Variants in GRK3 observed in about 807,000 individuals in gnomAD.
The protein encoded by GRK3 is G protein-coupled receptor kinase 3.
Under a neutral mutation model 95.7 loss-of-function variants are expected in GRK3, and 54 were observed. That is an observed-to-expected ratio of 0.56 (90% CI 0.45 to 0.71). The LOEUF (loss-of-function observed/expected upper bound fraction) is 0.71, where lower values mean the gene tolerates loss of function less well. Among genes scored for constraint, GRK3 ranks in the 30% least tolerant of loss-of-function variants. The pLI, the probability that GRK3 is intolerant of heterozygous loss-of-function variation, is 0.00. For synonymous variants in GRK3, 281 were observed against 290.8 expected (o/e 0.97, Z 0.34); for missense variants, 649 against 851.2 (o/e 0.76, Z 2.96).
intron 2 of GRK3, among the ~76,000 whole-genome samples, chr22:25,605,878 G>A (rs1269185267): frequency 5.9e-5 from 9 of 152,194 alleles, no homozygotes; most frequent in East Asian, 1.9e-4. Flanking sequence ...TTCAAGGTTC[G>A]TTCTGGTGGT....
chr22:25,687,804 T>C (rs1405070340), intron 11 of GRK3, 137 bp downstream of exon 11: 8 of 935,698 alleles, frequency 8.5e-6, no homozygotes, highest in Non-Finnish European at 1.3e-5. Context: ...ATTAGCTATA[T>C]GACATTTTAT....
chr22:25,604,657 T>C (rs2084431910), intron 2 of GRK3, among the ~76,000 whole-genome samples: 2 of 152,244 alleles, frequency 1.3e-5, no homozygotes, highest in South Asian at 2.1e-4. Context: ...TCTTGGGAAA[T>C]GGGTAATTCT....
chr22:25,711,186 C>A (rs1343210754), intron 17 of GRK3, 23 bp downstream of exon 17: 1 of 1,496,154 alleles, frequency 6.7e-7, no homozygotes, highest in African/African-American at 1.4e-5. Context: ...TCATTTATTT[C>A]TTTATTTTTA....
intron 3 of GRK3, among the ~76,000 whole-genome samples, chr22:25,646,454 A>G (rs984802745): frequency 1.3e-5 from 2 of 152,188 alleles, no homozygotes; most frequent in Non-Finnish European, 2.9e-5. Flanking sequence ...GGGAGAGAAT[A>G]GGGCAAAAGC....
intron 20 of GRK3, among the ~76,000 whole-genome samples, 174 bp downstream of exon 20, chr22:25,721,571 A>T (rs970004946): frequency 2.6e-5 from 4 of 152,226 alleles, no homozygotes; most frequent in Non-Finnish European, 5.9e-5. Context: ...AAAAAGGCAA[A>T]TATTAGAAAA....
chr22:25,580,474 T>G (rs1383423908), intron 1 of GRK3: 1 of 152,228 alleles, frequency 6.6e-6, no homozygotes, highest in Non-Finnish European at 1.5e-5. Context: ...AAATTATCCA[T>G]AATTTTTAGA....
intron 10 of GRK3, 23 bp downstream of exon 10, chr22:25,685,271 G>T (rs888757655): frequency 1.9e-6 from 3 of 1,556,136 alleles, no homozygotes; most frequent in Non-Finnish European, 1.8e-6. Flanking sequence ...TGGAAAATCT[G>T]AATGCCTTGA....
intron 20 of GRK3, 126 bp from the exon 21 acceptor site, chr22:25,722,163 G>A: frequency 3.0e-6 from 3 of 1,011,078 alleles, no homozygotes; most frequent in South Asian, 3.1e-5. Flanking sequence ...AATGCCACTG[G>A]GGGTGGACAC....
At chr22:25,578,603 G>A (rs1157260703) in intron 1 of GRK3, among the ~76,000 whole-genome samples, 3 of 152,144 alleles carry the variant, frequency 2.0e-5, no homozygotes, top group African/African-American at 7.2e-5. Context: ...TAGTGTTACC[G>A]CCAGGGAGGC....
At chr22:25,681,511 C>T (rs1051115009) in intron 9 of GRK3, among the ~76,000 whole-genome samples, 6 of 151,826 alleles carry the variant, frequency 4.0e-5, no homozygotes, top group Non-Finnish European at 7.4e-5. Flanking sequence ...TGGGGGGAGT[C>T]GTGCAAGACA....
At chr22:25,618,134 T>C (rs2084554134) in intron 2 of GRK3, among the ~76,000 whole-genome samples, 1 of 152,242 alleles carries the variant, frequency 6.6e-6, no homozygotes, top group African/African-American at 2.4e-5. Context: ...AGTTCACTTA[T>C]CTGTGGACAC....
intron 2 of GRK3, among the ~76,000 whole-genome samples, chr22:25,620,257 C>T (rs1043630293): frequency 6.6e-6 from 1 of 152,076 alleles, no homozygotes; most frequent in Admixed American, 6.5e-5. Flanking sequence ...TTTGACCAGG[C>T]CTGTCTTTCA....
At chr22:25,579,880 A>G (rs1258380919) in intron 1 of GRK3, among the ~76,000 whole-genome samples, 1 of 152,220 alleles carries the variant, frequency 6.6e-6, no homozygotes, top group Non-Finnish European at 1.5e-5. Flanking sequence ...GATTTAGGCA[A>G]AGATCATCAA....
chr22:25,670,381 G>A (rs893526028), intron 6 of GRK3, among the ~76,000 whole-genome samples: 1 of 152,138 alleles, frequency 6.6e-6, no homozygotes, highest in East Asian at 1.9e-4. Context: ...TGTGCCTGTA[G>A]TCCTAGCCAC....
rs1432558801 is a variant in GRK3, at chr22:25,676,408, T to A, written c.647+1880T>A. On this transcript the variant is annotated intron_variant, in intron 8 of 20. Coordinates refer to ENST00000324198, the MANE Select transcript of GRK3 (RefSeq NM_005160.4). ...CTTGATGTTATAGAAGTAAATAATA[T>A]CGGCCGGGCGCGGTGGCTCACACTT... is the stretch of plus-strand genomic sequence containing the variant. Among the ~76,000 whole-genome samples the A allele has an allele frequency of 2.6e-5, 4 of 152,140 alleles. No homozygotes were observed. In the East Asian group the frequency reaches 7.7e-4, roughly 29 times the overall value.
intron 3 of GRK3, among the ~76,000 whole-genome samples, chr22:25,654,376 T>C (rs1247450754): frequency 6.6e-6 from 1 of 152,196 alleles, no homozygotes; most frequent in African/African-American, 2.4e-5. Context: ...GGAGGAATAT[T>C]CTTTTCTTTC....
intron 20 of GRK3, among the ~76,000 whole-genome samples, chr22:25,721,629 TCTG>T (rs1374406256): frequency 6.6e-6 from 1 of 152,192 alleles, no homozygotes; most frequent in African/African-American, 2.4e-5. Context: ...ATCTGGAAAA[TCTG>T]CTCAGTATTT....
chr22:25,575,609 A>T (rs933326673), intron 1 of GRK3, among the ~76,000 whole-genome samples: 3 of 152,190 alleles, frequency 2.0e-5, no homozygotes, highest in Non-Finnish European at 2.9e-5. Context: ...AGAAAACCCC[A>T]TGGTAGATAG....
intron 2 of GRK3, among the ~76,000 whole-genome samples, chr22:25,632,673 C>G (rs2146369533): frequency 6.6e-6 from 1 of 152,110 alleles, no homozygotes; most frequent in Non-Finnish European, 1.5e-5. Flanking sequence ...TTCTATTATC[C>G]ATTTTGAGTT....
Sources: gnomAD v4.1 joint callset for allele counts (sites outside exome capture counted in the v4.1 genomes callset) on GRCh38, gnomAD v4.1.1 for gene constraint, MANE v1.5 for transcripts, NCBI Gene and HGNC (gene_info 2026-07-23, HGNC 2026-07-21) for gene names.